COL14A1: variants seen among roughly 807,000 people sequenced by gnomAD.
COL14A1 encodes the protein collagen alpha-1(XIV) chain.
COL14A1 carries 136 observed loss-of-function variants against 230.3 expected under a neutral mutation model. That is an observed-to-expected ratio of 0.59 (90% confidence interval 0.51 to 0.68). The LOEUF (loss-of-function observed/expected upper bound fraction) is 0.68, where lower values mean the gene tolerates loss of function less well. Ranked by LOEUF, COL14A1 falls within the 30% of genes least tolerant of loss-of-function variation. COL14A1 has a pLI of 0.00. For missense variants in COL14A1, 1,976 were observed against 2,215.8 expected (o/e 0.89, Z 2.17); for synonymous variants, 792 against 784.1 (o/e 1.01, Z -0.17).
intron 2 of COL14A1, among the ~76,000 whole-genome samples, chr8:120,150,958 G>A (rs1815260156): frequency 6.6e-6 from 1 of 151,738 alleles, no homozygotes; most frequent in South Asian, 2.1e-4. Context: ...AGTTCAATAA[G>A]AGTTTAATAG....
intron 42 of COL14A1, among the ~76,000 whole-genome samples, chr8:120,334,581 C>T (rs1478559195): frequency 2.3e-5 from 3 of 129,528 alleles, no homozygotes; most frequent in South Asian, 2.6e-4. Context: ...CGTTCACACA[C>T]AAAAACACAC....
intron 1 of COL14A1, among the ~76,000 whole-genome samples, chr8:120,126,312 C>G (rs1814334634): frequency 6.6e-6 from 1 of 152,188 alleles, no homozygotes; most frequent in East Asian, 1.9e-4. Flanking sequence ...CTTGGGTCCT[C>G]TGTGGCTCAG....
chr8:120,271,848 G>A (rs1299510219), intron 26 of COL14A1, among the ~76,000 whole-genome samples: 2 of 151,390 alleles, frequency 1.3e-5, no homozygotes, highest in Non-Finnish European at 3.0e-5. Context: ...GGAGAGCCAA[G>A]ATCTGATATG....
At chr8:120,167,538 T>C (rs565205028) in intron 4 of COL14A1, among the ~76,000 whole-genome samples, 2 of 152,334 alleles carry the variant, frequency 1.3e-5, no homozygotes, top group South Asian at 4.1e-4. Flanking sequence ...GCTAATGGTG[T>C]AGGTTGATAT....
chr8:120,296,309 G>T (rs1820529903), intron 34 of COL14A1, among the ~76,000 whole-genome samples: 1 of 151,946 alleles, frequency 6.6e-6, no homozygotes, highest in Non-Finnish European at 1.5e-5. Flanking sequence ...TGATCAGTTG[G>T]AATGAATGTT....
At chr8:120,147,779 A>C (rs1263996751) in intron 1 of COL14A1, 27 bp from the exon 2 acceptor site, 1 of 1,249,062 alleles carries the variant, frequency 8.0e-7, no homozygotes, top group Non-Finnish European at 1.1e-6. Context: ...GCCTTCTCAA[A>C]AATGTTCCTG....
At chr8:120,293,575 G>A (rs1820436260) in intron 34 of COL14A1, among the ~76,000 whole-genome samples, 1 of 151,482 alleles carries the variant, frequency 6.6e-6, no homozygotes, top group African/African-American at 2.4e-5. Flanking sequence ...GCTAGGGTCA[G>A]GTCCCCTTTC....
chr8:120,203,658 T>G (rs1412148171), intron 8 of COL14A1, 51 bp from the exon 9 acceptor site: 2 of 1,589,926 alleles, frequency 1.3e-6, no homozygotes, highest in African/African-American at 2.7e-5. Context: ...GCAGTCACTC[T>G]TTCCAAGGGG....
chr8:120,184,885 G>T (rs1239610284), intron 5 of COL14A1, among the ~76,000 whole-genome samples: 1 of 152,182 alleles, frequency 6.6e-6, no homozygotes, highest in Non-Finnish European at 1.5e-5. Context: ...AGAAGAATCT[G>T]CTTTATTCAG....
At chr8:120,127,706 C>T (rs938835977) in intron 1 of COL14A1, among the ~76,000 whole-genome samples, 1 of 152,210 alleles carries the variant, frequency 6.6e-6, no homozygotes, top group Non-Finnish European at 1.5e-5. Context: ...CACAGTAAAA[C>T]ACAAATGTCT....
intron 3 of COL14A1, 124 bp downstream of exon 3, chr8:120,158,370 G>T: frequency 1.5e-6 from 1 of 683,132 alleles, no homozygotes. Context: ...TTAATCTTCA[G>T]TGTTTAAAAT....
chr8:120,341,259 T>G, intron 42 of COL14A1, 66 bp from the exon 43 acceptor site: 1 of 1,469,956 alleles, frequency 6.8e-7, no homozygotes, highest in Non-Finnish European at 9.5e-7. Context: ...TAAGAAAAGA[T>G]GCATGATTAT....
In COL14A1 at chr8:120,369,347, C is replaced by T. The variant is rs764894861; in HGVS notation, c.5173C>T (p.Arg1725Trp). Residue 1725 changes from arginine to tryptophan, a missense_variant, in exon 47 of 48, where the codon CGG becomes TGG. By Grantham distance (101) the Arg-to-Trp change is moderately radical. Transcript: ENST00000297848. ...PGPAGPSGES[R>W]PGSPGPPGSP... ...CTTCTTAGGACCTTCAGGGGAGAGT[C>T]GGCCTGGCAGCCCTGGGCCCCCTGG... 1.6e-5 allele frequency: 26 copies of T among 1,589,774 alleles called. No individual in the cohort carries two copies. The highest frequency in any genetic ancestry group is 7.2e-5 in the Admixed American group (4 of 55,774).
intron 14 of COL14A1, among the ~76,000 whole-genome samples, chr8:120,220,622 C>T (rs1554609993): frequency 1.3e-5 from 2 of 152,106 alleles, no homozygotes; most frequent in Non-Finnish European, 2.9e-5. Flanking sequence ...TTTTCTGCTT[C>T]GCTTCCTCTC....
Position 120,345,315 on chromosome 8 carries a change from G to A in COL14A1, c.4889-60G>A. 4 of 1,460,070 alleles carry A rather than the reference G, an allele frequency of 2.7e-6. No homozygotes were observed. The Admixed American group carries it at 1.0e-4, about 37-fold the overall frequency. The allele number at this position is 1,460,070 out of a possible 1,614,324, so 90.4% of individuals were successfully genotyped here. ...TGCAGCCTTAACAAATGACACCCCT[G>A]GTCCTCTCTTTCCTTGTGTGACAGT... On this transcript the variant is annotated intron_variant, in intron 44 of 47. Transcript: ENST00000297848.
chr8:120,325,475 C>CTGTT (rs34330810), intron 40 of COL14A1, among the ~76,000 whole-genome samples: 5,861 of 150,720 alleles, frequency 0.039, 157 homozygotes, highest in African/African-American at 0.069. Context: ...AAGTGTTCTG[C>CTGTT]TGTTTGTTTG....
intron 44 of COL14A1, among the ~76,000 whole-genome samples, chr8:120,342,901 T>C (rs1822358228): frequency 6.6e-6 from 1 of 152,240 alleles, no homozygotes; most frequent in South Asian, 2.1e-4. Context: ...TTCACATCCA[T>C]TACCTTCTGG....
chr8:120,235,760 G>A (rs1384633316), intron 19 of COL14A1, among the ~76,000 whole-genome samples: 4 of 152,082 alleles, frequency 2.6e-5, no homozygotes, highest in Non-Finnish European at 5.9e-5. Context: ...ATTTAGTGCT[G>A]TAAGTTTCCC....
At position 120,321,747 on chromosome 8, in the gene COL14A1, C is replaced by T. The variant is rs540225001; in HGVS notation, c.4659+5750C>T. Reference sequence around the variant, plus strand: ...CCCTGGTTCTAACACTGTCCTTCAGCGTCGGCACTTGCATTTTATATTGGT... The same window carrying T: ...CCCTGGTTCTAACACTGTCCTTCAGTGTCGGCACTTGCATTTTATATTGGT... On this transcript the variant is annotated intron_variant, in intron 40 of 47. Transcript: ENST00000297848. 9.6e-4 allele frequency among the ~76,000 whole-genome samples: 146 copies of T among 152,230 alleles called. 3 individuals are homozygous for T. Among genetic ancestry groups the T allele is most frequent in the Admixed American group, 8.5e-3 (130 of 15,288 alleles).
Sources: gnomAD v4.1 joint callset for allele counts (sites outside exome capture counted in the v4.1 genomes callset) on GRCh38, gnomAD v4.1.1 for gene constraint, MANE v1.5 for transcripts, NCBI Gene and HGNC (gene_info 2026-07-23, HGNC 2026-07-21) for gene names.